The following ARHGAP23 variants were observed in gnomAD, a reference collection of about 807,000 sequenced individuals.
ARHGAP23 encodes the protein Rho GTPase activating protein 23, also known as rho GTPase-activating protein 23.
ARHGAP23 carries 34 observed loss-of-function variants against 136.3 expected under a neutral mutation model. The observed-to-expected ratio is 0.25, with a 90% CI of 0.19 to 0.33. The LOEUF is 0.33. Among genes scored for constraint, ARHGAP23 ranks in the 10% least tolerant of loss-of-function variants. The pLI is 1.00. For missense variants in ARHGAP23, 1,808 were observed against 2,139.0 expected, an observed-to-expected ratio of 0.85 and a Z score of 3.05; for synonymous variants, 832 against 920.5, an observed-to-expected ratio of 0.90 and a Z score of 1.74.
chr17:38,496,863 G>A (rs573709905), intron 20 of ARHGAP23, among the ~76,000 whole-genome samples: 26 of 151,886 alleles, frequency 1.7e-4, no homozygotes, highest in Non-Finnish European at 3.5e-4. Flanking sequence ...TGAAGCCAGA[G>A]AATCACTTGA....
intron 11 of ARHGAP23, among the ~76,000 whole-genome samples, chr17:38,472,832 T>C (rs559311020): frequency 1.6e-4 from 25 of 152,256 alleles, no homozygotes; most frequent in Admixed American, 7.2e-4. Flanking sequence ...GAGCTAACAG[T>C]AATCCCTAGC....
In ARHGAP23 at chr17:38,469,494, C is replaced by T. The variant is rs1444624064; in HGVS notation, c.1805-30C>T. 1.9e-6 allele frequency: 3 copies of T among 1,540,938 alleles called. No individual in the cohort carries two copies. In the African/African-American group the frequency reaches 4.1e-5, roughly 21 times the overall value. ...AGCCCCTGACCTGCTGCCCCGCTGA[C>T]CCTGAGGCCCGATGTGGGCGGCTTT... On this transcript the variant is annotated intron_variant, in intron 8 of 23. Coordinates refer to ENST00000622683, the MANE Select transcript of ARHGAP23 (RefSeq NM_001199417.2).
At chr17:38,491,789 C>T (rs1360674187) in intron 20 of ARHGAP23, 4 of 509,948 alleles carry the variant, frequency 7.8e-6, no homozygotes, top group East Asian at 6.1e-5. Flanking sequence ...CCCGAGCTTC[C>T]GAGATGCCTG....
chr17:38,495,359 A>G (rs1003426622), intron 20 of ARHGAP23, among the ~76,000 whole-genome samples: 7 of 151,694 alleles, frequency 4.6e-5, no homozygotes, highest in Non-Finnish European at 5.9e-5. Flanking sequence ...AGCACCCCCA[A>G]GTAGCTGGGA....
chr17:38,490,921 T>G, intron 19 of ARHGAP23, among the ~76,000 whole-genome samples: 1 of 152,256 alleles, frequency 6.6e-6, no homozygotes, highest in South Asian at 2.1e-4. Context: ...GTTTTGTTTG[T>G]TTGTTTGTTT....
At position 38,462,916 on chromosome 17, in the gene ARHGAP23, T is replaced by C. The variant is rs949980160; in HGVS notation, c.324T>C (p.Pro108=). 10 of 1,539,518 alleles carry C rather than the reference T, an allele frequency of 6.5e-6. No individual in the cohort carries two copies. In the African/African-American group the frequency reaches 6.9e-5, roughly 11 times the overall value. The change falls in exon 4 of 24, where the codon CCT becomes CCC. Residue 108 remains proline (P), a synonymous_variant. Coordinates refer to ENST00000622683, the MANE Select transcript of ARHGAP23 (RefSeq NM_001199417.2). The part of the protein sequence containing the change: ...IFVKNVKEDG[P]AHRAGLRTGD... ...TCAAGAATGTGAAGGAAGACGGCCC[T>C]GCCCATAGGGCGGGGCTTCGCACAG...
At chr17:38,441,599 C>T (rs919554560) in intron 1 of ARHGAP23, among the ~76,000 whole-genome samples, 2 of 152,124 alleles carry the variant, frequency 1.3e-5, no homozygotes, top group African/African-American at 4.8e-5. Context: ...ATGAGGTGGC[C>T]GAGAGTCTGG....
intron 1 of ARHGAP23, among the ~76,000 whole-genome samples, chr17:38,447,453 A>G (rs1190939768): frequency 6.6e-6 from 1 of 150,864 alleles, no homozygotes; most frequent in Non-Finnish European, 1.5e-5. Context: ...AAAAAAAAAA[A>G]AAAAAAAAAA....
chr17:38,502,121 T>C (rs1436934766), intron 23 of ARHGAP23, among the ~76,000 whole-genome samples: 1 of 152,156 alleles, frequency 6.6e-6, no homozygotes, highest in Non-Finnish European at 1.5e-5. Context: ...CTGGCCAACA[T>C]GGTGAAACCC....
chr17:38,464,002 C>T (rs555263031), intron 6 of ARHGAP23, among the ~76,000 whole-genome samples: 9 of 152,200 alleles, frequency 5.9e-5, no homozygotes, highest in South Asian at 4.1e-4. Flanking sequence ...CATTAAAACA[C>T]GACACACTCA....
At chr17:38,453,182 G>A (rs1245622740) in intron 1 of ARHGAP23, among the ~76,000 whole-genome samples, 1 of 152,106 alleles carries the variant, frequency 6.6e-6, no homozygotes, top group Non-Finnish European at 1.5e-5. Flanking sequence ...TATGTGGACC[G>A]TATACACTTG....
rs750607967 is a variant in ARHGAP23 at position 38,466,925 on chromosome 17, C to T, written c.1242C>T (p.Leu414=). ...CTGGCCTGCAGGGCCTGGATGACCT[C>T]GGGTACATCGGCTACCGGAGCTACA... ...PPSGLQGLDD[L]GYIGYRSYSP... Residue 414 remains leucine (L), a synonymous_variant, in exon 7 of 24, where the codon CTC becomes CTT. Transcript: ENST00000622683. The T allele has an allele frequency of 9.0e-5, 140 of 1,550,538 alleles. No homozygotes were observed. The highest frequency in any genetic ancestry group is 1.5e-4 in the African/African-American group (11 of 73,174).
chr17:38,428,537 C>G lies in ARHGAP23; in HGVS notation c.52C>G (p.Arg18Gly). 6.9e-7 allele frequency: 1 copy of G among 1,452,134 alleles called. No homozygotes were observed. The allele number at this position is 1,452,134 out of a possible 1,614,324, so 90.0% of individuals were successfully genotyped here. A position where few individuals can be genotyped will look rare whatever the true frequency, so the allele number is the denominator to read the frequency against. The change falls in exon 1 of 24, where the codon CGG becomes GGG. Residue 18 changes from arginine to glycine, a missense_variant. Arg to Gly is a moderately radical substitution (Grantham distance 125, BLOSUM62 -2). This residue lies in a region of ARHGAP23 where 859 missense variants were observed against 936.4 expected (regional missense o/e 0.92). Transcript: ENST00000622683. ...CGGGATCCCGCCCCGCCCGGAGCCC[C>G]GGCCCCCACAGGTGAGGGTGCTGGG... Reference protein sequence around the residue: ...LVGIPPRPEPRPPQLPLGPRD... With the variant: ...LVGIPPRPEPGPPQLPLGPRD...
chr17:38,467,229 G>A lies in ARHGAP23; in HGVS notation c.1546G>A (p.Glu516Lys), dbSNP rs998955800. 5.2e-6 allele frequency: 8 copies of A among 1,550,746 alleles called. No individual in the cohort carries two copies. Among genetic ancestry groups the A allele is most frequent in the African/African-American group, 1.4e-5 (1 of 73,070 alleles). ...ARQMNLGFGD[E>K]SPEPEASGRG... ...ACAGATGAACCTTGGATTTGGTGAC[G>A]AGTCCCCAGAGCCAGAGGCCAGTGG... The change falls in exon 7 of 24, where the codon GAG becomes AAG. Residue 516 changes from glutamate to lysine, a missense_variant. Glu to Lys is a moderately conservative substitution (Grantham distance 56). This residue lies in a region of ARHGAP23 where 859 missense variants were observed against 936.4 expected (regional missense o/e 0.92). Coordinates refer to ENST00000622683, the MANE Select transcript of ARHGAP23 (RefSeq NM_001199417.2).
At position 38,477,866 on chromosome 17, in the gene ARHGAP23, G is replaced by C. The variant is rs913978137; in HGVS notation, c.2406G>C (p.Ala802=). Residue 802 remains alanine (A), a synonymous_variant, in exon 12 of 24, where the codon GCG becomes GCC. Coordinates refer to ENST00000622683, the MANE Select transcript of ARHGAP23 (RefSeq NM_001199417.2). This position sits in a 1 kb window ranked among gnomAD's most constrained non-coding sequence, Gnocchi z 6.6. The part of the protein sequence containing the change: ...DRDDMLGWIR[A]IRENSRAEGE... ...ATGACATGCTGGGCTGGATCAGAGC[G>C]ATCCGGGAGAACAGCAGGGCCGAGG... is the stretch of plus-strand genomic sequence containing the variant. 60 of 1,548,506 alleles carry C rather than the reference G, an allele frequency of 3.9e-5. No individual in the cohort carries two copies. The highest frequency in any genetic ancestry group is 4.1e-4 in the Middle Eastern group (2 of 4,892).
At chr17:38,419,709 C>A (rs912505089) in intron 1 of ARHGAP23, among the ~76,000 whole-genome samples, 1 of 152,124 alleles carries the variant, frequency 6.6e-6, no homozygotes, top group Non-Finnish European at 1.5e-5. Flanking sequence ...CACGGAGAAA[C>A]CCCCATCCCC....
At chr17:38,454,260 C>G (rs564623596) in intron 1 of ARHGAP23, 85 of 152,622 alleles carry the variant, frequency 5.6e-4, no homozygotes, top group South Asian at 1.2e-3. Context: ...AGGACTGATG[C>G]CCCTGGAACG....
chr17:38,451,362 A>G (rs1381239425), intron 1 of ARHGAP23: 1 of 152,262 alleles, frequency 6.6e-6, no homozygotes, highest in African/African-American at 2.4e-5. Flanking sequence ...TGGACATTGT[A>G]TATGGTTGAT....
chr17:38,463,392 GC>G lies in ARHGAP23; in HGVS notation c.483+14del. On this transcript the variant is annotated intron_variant, in intron 6 of 23. Transcript: ENST00000622683. ...GGACATCCTCCAGCTGGTGAGTCCAGCCCCTGTGGCCTGAGAGGAGACCCCT... is the reference window on the plus strand; with the variant it reads ...GGACATCCTCCAGCTGGTGAGTCCAGCCCTGTGGCCTGAGAGGAGACCCCT... The G allele has an allele frequency of 6.4e-7, 1 of 1,551,664 alleles. No individual in the cohort carries two copies.
Sources: allele counts gnomAD v4.1 joint callset (sites outside exome capture counted in the v4.1 genomes callset), GRCh38; gene constraint gnomAD v4.1.1; regional missense constraint gnomAD v4.1.1; non-coding constraint Gnocchi (gnomAD v3.1); transcripts MANE v1.5; gene names NCBI Gene and HGNC (gene_info 2026-07-23, HGNC 2026-07-21).